Variants in MYBPC1 observed in about 807,000 individuals in gnomAD.
MYBPC1 encodes myosin binding protein C1.
A neutral mutation model predicts 147.1 loss-of-function variants in MYBPC1; 52 were observed. The observed-to-expected ratio is 0.35, with a 90% CI of 0.28 to 0.45. The LOEUF (loss-of-function observed/expected upper bound fraction) is 0.45, where lower values mean the gene tolerates loss of function less well. Among genes scored for constraint, MYBPC1 ranks in the 20% least tolerant of loss-of-function variants. The pLI is 1.00. For synonymous variants in MYBPC1, 477 were observed against 475.9 expected, an observed-to-expected ratio of 1.00 and a Z score of -0.03; for missense variants, 1,228 against 1,440.3, an observed-to-expected ratio of 0.85 and a Z score of 2.39.
intron 1 of MYBPC1, among the ~76,000 whole-genome samples, chr12:101,606,791 G>C (rs1374779698): frequency 1.3e-5 from 2 of 152,100 alleles, no homozygotes; most frequent in African/African-American, 4.8e-5. Flanking sequence ...AAAATACACT[G>C]TCATTTATAT....
Position 101,598,016 on chromosome 12 carries a change from C to CTT in MYBPC1, c.25+2941_25+2942dup, listed in dbSNP as rs34462251. ...CCTACTGTGTAAAGAAATCACCTTT[C>CTT]TTTTTTTTTTTTTTTTTTTTTAAGA... On this transcript the variant is annotated intron_variant, in intron 1 of 31. Transcript: ENST00000361466. Among the ~76,000 whole-genome samples the CTT allele has an allele frequency of 2.1e-3, 257 of 122,122 alleles. 2 individuals are homozygous for CTT. Among genetic ancestry groups the CTT allele is most frequent in the Non-Finnish European group, 3.3e-3 (189 of 57,220 alleles). The allele number at this position is 122,122 out of a possible 152,430, so 80.1% of individuals were successfully genotyped here.
intron 1 of MYBPC1, among the ~76,000 whole-genome samples, chr12:101,602,458 C>T (rs1298604082): frequency 6.6e-6 from 1 of 152,144 alleles, no homozygotes; most frequent in Non-Finnish European, 1.5e-5. Context: ...CTCAAGTGAT[C>T]CACCTGCCTC....
At chr12:101,605,577 T>A (rs929849119) in intron 1 of MYBPC1, among the ~76,000 whole-genome samples, 1 of 152,144 alleles carries the variant, frequency 6.6e-6, no homozygotes. Flanking sequence ...AAAATTAAAA[T>A]TGGTTGGGCA....
intron 15 of MYBPC1, 125 bp downstream of exon 15, chr12:101,649,551 T>C (rs1593893937): frequency 1.7e-6 from 2 of 1,143,872 alleles, no homozygotes; most frequent in Non-Finnish European, 2.6e-6. Flanking sequence ...AAAATGGATT[T>C]CATTCCAGCT....
At chr12:101,598,967 T>G (rs1409506405) in intron 1 of MYBPC1, among the ~76,000 whole-genome samples, 1 of 152,236 alleles carries the variant, frequency 6.6e-6, no homozygotes, top group Non-Finnish European at 1.5e-5. Context: ...CACTTTTTGT[T>G]TCTGATTTAT....
intron 26 of MYBPC1, among the ~76,000 whole-genome samples, chr12:101,676,800 A>G (rs1255722023): frequency 6.6e-6 from 1 of 152,186 alleles, no homozygotes; most frequent in Non-Finnish European, 1.5e-5. Flanking sequence ...GGATATTACT[A>G]ATGTTTCTCT....
At chr12:101,611,673 C>A (rs1331949265) in intron 1 of MYBPC1, among the ~76,000 whole-genome samples, 3 of 152,054 alleles carry the variant, frequency 2.0e-5, no homozygotes, top group Non-Finnish European at 2.9e-5. Flanking sequence ...TGGGGAGAAA[C>A]AGAAACATAA....
At chr12:101,599,642 C>G (rs1328909234) in intron 1 of MYBPC1, among the ~76,000 whole-genome samples, 1 of 152,094 alleles carries the variant, frequency 6.6e-6, no homozygotes, top group Admixed American at 6.5e-5. Flanking sequence ...ATCCTTACCT[C>G]AAATTGGGGA....
downstream of MYBPC1, among the ~76,000 whole-genome samples, chr12:101,686,839 G>A (rs751495122): frequency 5.3e-5 from 8 of 152,092 alleles, no homozygotes; most frequent in South Asian, 6.2e-4. Flanking sequence ...GATTCAGGTC[G>A]TTGCAGTACA....
intron 25 of MYBPC1, among the ~76,000 whole-genome samples, chr12:101,674,742 G>A (rs1277973258): frequency 6.6e-6 from 1 of 151,210 alleles, no homozygotes; most frequent in Admixed American, 6.6e-5. Context: ...ACACACTTGT[G>A]GTCCCAGCTA....
chr12:101,617,872 C>T (rs565228356), intron 3 of MYBPC1, among the ~76,000 whole-genome samples: 24 of 152,136 alleles, frequency 1.6e-4, no homozygotes, highest in Non-Finnish European at 3.4e-4. Context: ...CCATGAAATG[C>T]TAATTCCTTT....
In MYBPC1 at chr12:101,646,791, A is replaced by G; in HGVS notation, c.994A>G (p.Arg332Gly). 1 of 1,613,106 alleles carries G rather than the reference A, an allele frequency of 6.2e-7. No individual in the cohort carries two copies. Among genetic ancestry groups the G allele is most frequent in the Non-Finnish European group, 8.5e-7 (1 of 1,178,992 alleles). Reference protein sequence around the residue: ...KYIFEHKGCQRILFINNCQMT... With the variant: ...KYIFEHKGCQGILFINNCQMT... ...CATCTTTGAACACAAAGGATGCCAG[A>G]GAATCCTGTTTATCAATAACTGTCA... Residue 332 changes from arginine (R) to glycine (G), a missense_variant, in exon 13 of 32, where the codon AGA becomes GGA. This residue lies in a region of MYBPC1 where 1,077 missense variants were observed against 1,314.2 expected (regional missense o/e 0.82). Coordinates refer to ENST00000361466, the MANE Select transcript of MYBPC1 (RefSeq NM_002465.4).
At chr12:101,680,551 G>T (rs201043174) in intron 29 of MYBPC1, 22 bp downstream of exon 29, 1 of 1,608,964 alleles carries the variant, frequency 6.2e-7, no homozygotes, top group Non-Finnish European at 8.5e-7. Context: ...AATATCTCAC[G>T]TATAGACTAA....
intron 28 of MYBPC1, among the ~76,000 whole-genome samples, chr12:101,679,148 CA>C (rs61500343): frequency 0.39 from 41,603 of 105,796 alleles, 5,663 homozygotes; most frequent in East Asian, 0.47. Context: ...GACTCCGTCT[CA>C]AAAAAAAAAA....
chr12:101,648,014 A>G (rs775817873), intron 13 of MYBPC1, 31 bp from the exon 14 acceptor site: 1 of 1,538,896 alleles, frequency 6.5e-7, no homozygotes, highest in Non-Finnish European at 9.0e-7. Flanking sequence ...TGGATATTTA[A>G]TGATTCTGAT....
intron 1 of MYBPC1, among the ~76,000 whole-genome samples, chr12:101,596,066 T>C (rs1877127275): frequency 6.6e-6 from 1 of 152,158 alleles, no homozygotes; most frequent in Admixed American, 6.5e-5. Context: ...AAAAGAAAGA[T>C]TAGCAGGAAA....
At chr12:101,644,454 A>G (rs559000805) in intron 11 of MYBPC1, among the ~76,000 whole-genome samples, 1 of 152,324 alleles carries the variant, frequency 6.6e-6, no homozygotes, top group African/African-American at 2.4e-5. Flanking sequence ...TTCTAGAAAC[A>G]TGTGGATTCT....
At chr12:101,691,362 G>A in the MYBPC1 span, among the ~76,000 whole-genome samples, 2 of 152,184 alleles carry the variant, frequency 1.3e-5, no homozygotes, top group African/African-American at 2.4e-5. Flanking sequence ...GTGAGCCACT[G>A]CACCCGGCCT....
At chr12:101,600,467 C>T (rs994592528) in intron 1 of MYBPC1, 1 of 152,068 alleles carries the variant, frequency 6.6e-6, no homozygotes, top group Admixed American at 6.5e-5. Flanking sequence ...TAAGTGGTCT[C>T]TTTAAAAACT....
Sources: allele counts gnomAD v4.1 joint callset (sites outside exome capture counted in the v4.1 genomes callset), GRCh38; gene constraint gnomAD v4.1.1; regional missense constraint gnomAD v4.1.1; transcripts MANE v1.5; gene names NCBI Gene and HGNC (gene_info 2026-07-23, HGNC 2026-07-21).